Variants in SLC16A10 observed in about 807,000 individuals in gnomAD.
SLC16A10 encodes the protein monocarboxylate transporter 10.
In SLC16A10, 27 loss-of-function variants were observed where a neutral mutation model predicts 40.0. That is an observed-to-expected ratio of 0.67 (90% CI 0.50 to 0.93). SLC16A10 has a LOEUF of 0.93. SLC16A10 is among the 40% of genes least tolerant of loss of function. The pLI is 0.00. For synonymous variants in SLC16A10, 213 were observed against 249.8 expected, an observed-to-expected ratio of 0.85 and a Z score of 1.39; for missense variants, 529 against 658.2, an observed-to-expected ratio of 0.80 and a Z score of 2.15.
intron 1 of SLC16A10, among the ~76,000 whole-genome samples, chr6:111,132,703 C>G (rs1771805782): frequency 6.6e-6 from 1 of 152,216 alleles, no homozygotes; most frequent in Admixed American, 6.5e-5. Flanking sequence ...CTTAACCCAG[C>G]AGATTTCCTA....
chr6:111,132,621 C>G (rs1476199485), intron 1 of SLC16A10, among the ~76,000 whole-genome samples: 1 of 152,254 alleles, frequency 6.6e-6, no homozygotes, highest in African/African-American at 2.4e-5. Flanking sequence ...AGGTAACTTA[C>G]TAACTCGAAA....
At chr6:111,182,559 TG>T (rs1772818850) in intron 3 of SLC16A10, among the ~76,000 whole-genome samples, 38 of 152,100 alleles carry the variant, frequency 2.5e-4, no homozygotes, top group Admixed American at 1.8e-3. Context: ...ATCACGTATA[TG>T]TCAATGACTT....
intron 4 of SLC16A10, among the ~76,000 whole-genome samples, chr6:111,209,622 G>A (rs543349097): frequency 2.0e-5 from 3 of 152,250 alleles, no homozygotes; most frequent in East Asian, 3.9e-4. Flanking sequence ...AGGCCTGTGG[G>A]TTAGGAAGCC....
At chr6:111,130,880 A>G (rs1177004347) in intron 1 of SLC16A10, among the ~76,000 whole-genome samples, 1 of 152,238 alleles carries the variant, frequency 6.6e-6, no homozygotes, top group African/African-American at 2.4e-5. Context: ...TAGCTATGTA[A>G]TCTTGAGAAA....
chr6:111,152,643 A>G (rs182297913), intron 1 of SLC16A10, among the ~76,000 whole-genome samples: 14 of 152,340 alleles, frequency 9.2e-5, no homozygotes, highest in African/African-American at 3.1e-4. Context: ...GGTTGATAGT[A>G]TGCTGTAAGT....
chr6:111,193,860 T>C (rs985732867), intron 3 of SLC16A10, among the ~76,000 whole-genome samples: 2 of 152,234 alleles, frequency 1.3e-5, no homozygotes, highest in East Asian at 3.8e-4. Flanking sequence ...GTTAGGCCCT[T>C]ATATTGGGTA....
chr6:111,141,117 A>G (rs959854599), intron 1 of SLC16A10, among the ~76,000 whole-genome samples: 9 of 152,164 alleles, frequency 5.9e-5, no homozygotes, highest in Admixed American at 5.2e-4. Context: ...TTAATATTTC[A>G]CATGTTTTAG....
At position 111,176,361 on chromosome 6, in the gene SLC16A10, CA is replaced by C. The variant is rs1468769589; in HGVS notation, c.489-845del. On this transcript the variant is annotated intron_variant, in intron 2 of 5. Coordinates refer to ENST00000368851, the MANE Select transcript of SLC16A10 (RefSeq NM_018593.5). Reference sequence around the variant, plus strand: ...TTGCTTTTACTACTGATAGCCTTTTCAAAAAACTTTAACTAGTTTTATTCCT... The same window carrying C: ...TTGCTTTTACTACTGATAGCCTTTTCAAAAACTTTAACTAGTTTTATTCCT... 2.0e-5 allele frequency among the ~76,000 whole-genome samples: 3 copies of C among 152,116 alleles called. No individual in the cohort carries two copies. The South Asian group carries it at 6.2e-4, about 32-fold the overall frequency.
At chr6:111,145,897 G>A (rs911389742) in intron 1 of SLC16A10, among the ~76,000 whole-genome samples, 3 of 152,088 alleles carry the variant, frequency 2.0e-5, no homozygotes, top group African/African-American at 7.2e-5. Context: ...TTGTGGCCTT[G>A]GATTAGGCAA....
At chr6:111,129,850 T>C (rs1038247777) in intron 1 of SLC16A10, among the ~76,000 whole-genome samples, 1 of 152,230 alleles carries the variant, frequency 6.6e-6, no homozygotes, top group Non-Finnish European at 1.5e-5. Context: ...ATAGAGACAA[T>C]TGTTTCTCTT....
At chr6:111,140,581 A>G (rs1306179583) in intron 1 of SLC16A10, among the ~76,000 whole-genome samples, 2 of 152,132 alleles carry the variant, frequency 1.3e-5, no homozygotes, top group Non-Finnish European at 1.5e-5. Context: ...CCCTATGTCT[A>G]TGGAGGTATG....
At chr6:111,204,430 C>T (rs1229267435) in intron 3 of SLC16A10, among the ~76,000 whole-genome samples, 1 of 152,122 alleles carries the variant, frequency 6.6e-6, no homozygotes, top group Admixed American at 6.5e-5. Flanking sequence ...TCTAATTTTA[C>T]ATGAAGTGTC....
intron 5 of SLC16A10, among the ~76,000 whole-genome samples, chr6:111,219,523 A>C (rs1299761969): frequency 6.6e-6 from 1 of 151,810 alleles, no homozygotes; most frequent in Non-Finnish European, 1.5e-5. Flanking sequence ...CTATCTTTAA[A>C]AAAAAAAAAA....
At chr6:111,148,253 A>G (rs1447200837) in intron 1 of SLC16A10, among the ~76,000 whole-genome samples, 3 of 152,228 alleles carry the variant, frequency 2.0e-5, no homozygotes, top group Non-Finnish European at 2.9e-5. Context: ...AAGAGGATCC[A>G]GGTCCCACAT....
At chr6:111,154,930 G>A (rs1772240515) in intron 1 of SLC16A10, among the ~76,000 whole-genome samples, 1 of 151,010 alleles carries the variant, frequency 6.6e-6, no homozygotes, top group Admixed American at 6.6e-5. Context: ...GGCTGAGGCA[G>A]GAGAATTGCT....
chr6:111,221,327 C>T (rs1770890140), intron 5 of SLC16A10, among the ~76,000 whole-genome samples: 1 of 152,146 alleles, frequency 6.6e-6, no homozygotes, highest in Admixed American at 6.5e-5. Context: ...AAACCTTAGT[C>T]TATTTCCAAA....
chr6:111,104,341 G>C (rs1022652477), intron 1 of SLC16A10, among the ~76,000 whole-genome samples: 1 of 152,144 alleles, frequency 6.6e-6, no homozygotes, highest in Non-Finnish European at 1.5e-5. Flanking sequence ...CCATGGAAAT[G>C]GGAATGAAGG....
intron 1 of SLC16A10, among the ~76,000 whole-genome samples, chr6:111,104,052 T>C (rs1037301926): frequency 1.3e-5 from 2 of 152,146 alleles, no homozygotes; most frequent in African/African-American, 4.8e-5. Flanking sequence ...GCTTATTAAG[T>C]GAATGACAAG....
chr6:111,184,673 G>T (rs545558969), intron 3 of SLC16A10, among the ~76,000 whole-genome samples: 1 of 152,110 alleles, frequency 6.6e-6, no homozygotes, highest in Admixed American at 6.5e-5. Flanking sequence ...GTAGAGATGG[G>T]TTTCACCATG....
Sources: gnomAD v4.1 joint callset for allele counts (sites outside exome capture counted in the v4.1 genomes callset) on GRCh38, gnomAD v4.1.1 for gene constraint, MANE v1.5 for transcripts, NCBI Gene and HGNC (gene_info 2026-07-23, HGNC 2026-07-21) for gene names.